Variants in CPVL observed in about 807,000 individuals in gnomAD.
CPVL encodes carboxypeptidase vitellogenic like.
Under a neutral mutation model 63.7 loss-of-function variants are expected in CPVL, and 51 were observed. The ratio of observed to expected loss-of-function variants is 0.80; its 90% CI spans 0.64 to 1.01. The LOEUF is 1.01. CPVL is among the 50% of genes least tolerant of loss of function. The probability of loss-of-function intolerance (pLI) is 0.00; values close to 1 mark genes in which losing one functional copy is unlikely to be tolerated. For missense variants in CPVL, 530 were observed against 573.1 expected (o/e 0.92, Z 0.77); for synonymous variants, 195 against 206.0 (o/e 0.95, Z 0.46).
intron 5 of CPVL, among the ~76,000 whole-genome samples, chr7:29,166,160 A>G (rs111261838): frequency 3.7e-4 from 57 of 152,098 alleles, no homozygotes; most frequent in African/African-American, 1.4e-3. Context: ...CCTCCCAAGT[A>G]GCTAGGACCA....
chr7:29,092,991 A>C (rs769047384), intron 5 of CPVL, among the ~76,000 whole-genome samples: 1 of 152,160 alleles, frequency 6.6e-6, no homozygotes, highest in Non-Finnish European at 1.5e-5. Flanking sequence ...ATGTTGATTT[A>C]AGGAAGAAGG....
chr7:29,182,966 G>C (rs954099505), intron 4 of CPVL, among the ~76,000 whole-genome samples: 1 of 152,068 alleles, frequency 6.6e-6, no homozygotes, highest in East Asian at 1.9e-4. Flanking sequence ...TCTATTACAG[G>C]AAAGATTCTT....
At chr7:29,116,017 T>C (rs1006410910) in intron 2 of CPVL, among the ~76,000 whole-genome samples, 6 of 152,216 alleles carry the variant, frequency 3.9e-5, no homozygotes, top group Non-Finnish European at 7.3e-5. Flanking sequence ...AGTGGGGAAT[T>C]TGTGTTATTT....
chr7:29,104,988 C>G (rs1295362569), intron 3 of CPVL, among the ~76,000 whole-genome samples: 6 of 152,128 alleles, frequency 3.9e-5, no homozygotes, highest in Non-Finnish European at 1.5e-5. Context: ...TTGTCTCTGA[C>G]ACCCTCTATT....
At chr7:29,183,700 G>A (rs1231762053) in intron 4 of CPVL, among the ~76,000 whole-genome samples, 1 of 151,986 alleles carries the variant, frequency 6.6e-6, no homozygotes, top group African/African-American at 2.4e-5. Flanking sequence ...GTGCTGAATT[G>A]GTGGCATTCT....
chr7:29,185,579 A>G (rs1407301157), exon 3 of CPVL: 1 of 151,542 alleles, frequency 6.6e-6, no homozygotes, highest in Non-Finnish European at 1.5e-5. Flanking sequence ...ATCAAACCTT[A>G]GCAGCATATC....
chr7:29,068,976 C>G (rs1783429189), intron 9 of CPVL, among the ~76,000 whole-genome samples: 1 of 151,524 alleles, frequency 6.6e-6, no homozygotes, highest in Admixed American at 6.6e-5. Context: ...AGCCACTGCG[C>G]CCGGCCGAGG....
At position 29,120,976 on chromosome 7, in the gene CPVL, C is replaced by G; in HGVS notation, c.86G>C (p.Arg29Thr). 1 of 1,614,002 alleles carries G rather than the reference C, an allele frequency of 6.2e-7. No homozygotes were observed. Among genetic ancestry groups the G allele is most frequent in the Non-Finnish European group, 8.5e-7 (1 of 1,179,970 alleles). ...PCDGLFRSLY[R>T]SVSMPPKGDS... ...TCCCTTAGGTGGCATGGAAACACTT[C>G]TGTATAGGGAGCGAAACAGCCCATC... Residue 29 changes from arginine to threonine, a missense_variant, in exon 2 of 13, where the codon AGA becomes ACA. Physicochemically the swap from Arg to Thr is moderately conservative, Grantham distance 71. Coordinates refer to ENST00000265394, the MANE Select transcript of CPVL (RefSeq NM_031311.5).
At chr7:29,194,379 G>C (rs1783324139) in intron 1 of CPVL, 1 of 152,426 alleles carries the variant, frequency 6.6e-6, no homozygotes, top group South Asian at 2.1e-4. Context: ...GCCCGCAGCA[G>C]CCGAACCACC....
At chr7:29,000,583 A>G (rs756913586) in intron 12 of CPVL, among the ~76,000 whole-genome samples, 5 of 152,182 alleles carry the variant, frequency 3.3e-5, no homozygotes, top group Admixed American at 1.3e-4. Context: ...TCATGCAGGA[A>G]TAGAGGGAAA....
intron 12 of CPVL, among the ~76,000 whole-genome samples, chr7:29,020,298 G>A (rs1010608737): frequency 2.6e-5 from 4 of 152,244 alleles, no homozygotes; most frequent in African/African-American, 7.2e-5. Context: ...TGTAGCAGAT[G>A]GGGGGAGGTA....
chr7:29,095,464 T>G (rs1265245637), intron 4 of CPVL, among the ~76,000 whole-genome samples: 1 of 152,032 alleles, frequency 6.6e-6, no homozygotes, highest in Non-Finnish European at 1.5e-5. Context: ...TATGTCCAAT[T>G]AAATCAATCA....
chr7:29,098,524 C>A (rs185987433), intron 3 of CPVL, among the ~76,000 whole-genome samples: 1 of 152,270 alleles, frequency 6.6e-6, no homozygotes, highest in Admixed American at 6.5e-5. Flanking sequence ...GATAAAAGCA[C>A]AATAAATATA....
At chr7:29,016,156 G>A (rs1451847901) in intron 12 of CPVL, among the ~76,000 whole-genome samples, 1 of 152,052 alleles carries the variant, frequency 6.6e-6, no homozygotes, top group East Asian at 1.9e-4. Context: ...TTCGAGACCA[G>A]CTTGGCCAAT....
At chr7:29,029,414 A>G (rs1787803266) in intron 12 of CPVL, among the ~76,000 whole-genome samples, 1 of 152,234 alleles carries the variant, frequency 6.6e-6, no homozygotes, top group Non-Finnish European at 1.5e-5. Flanking sequence ...GTGTCCATCA[A>G]CAGATGAATG....
chr7:29,009,925 A>G (rs1785636903), intron 12 of CPVL: 1 of 152,200 alleles, frequency 6.6e-6, no homozygotes, highest in Admixed American at 6.5e-5. Flanking sequence ...AAAAGAAGAA[A>G]AGAAAAACCA....
At chr7:29,063,510 G>A (rs7777266) in intron 11 of CPVL, among the ~76,000 whole-genome samples, 128,354 of 152,210 alleles carry the variant, frequency 0.84, 54,165 homozygotes, top group South Asian at 0.91. Flanking sequence ...GAGAAGTGGT[G>A]TGTGCCAAAG....
chr7:29,123,173 C>A (rs943787503), intron 1 of CPVL, among the ~76,000 whole-genome samples: 1 of 152,016 alleles, frequency 6.6e-6, no homozygotes, highest in Non-Finnish European at 1.5e-5. Flanking sequence ...AATCTTTTAA[C>A]GACATGCTTA....
chr7:29,136,028 G>C (rs1384232795), intron 1 of CPVL, among the ~76,000 whole-genome samples: 1 of 152,136 alleles, frequency 6.6e-6, no homozygotes, highest in Non-Finnish European at 1.5e-5. Context: ...AGGAAGACAT[G>C]GGAGCCCACT....
Sources: gnomAD v4.1 joint callset for allele counts (sites outside exome capture counted in the v4.1 genomes callset) on GRCh38, gnomAD v4.1.1 for gene constraint, MANE v1.5 for transcripts, NCBI Gene and HGNC (gene_info 2026-07-23, HGNC 2026-07-21) for gene names.